Variants in GALNTL6 observed in about 807,000 individuals in gnomAD.
GALNTL6 encodes the protein polypeptide N-acetylgalactosaminyltransferase-like 6.
Under a neutral mutation model 73.7 loss-of-function variants are expected in GALNTL6, and 46 were observed. The ratio of observed to expected loss-of-function variants is 0.62; its 90% confidence interval spans 0.49 to 0.80. The LOEUF is 0.80. Ranked by LOEUF, GALNTL6 falls within the 30% of genes least tolerant of loss-of-function variation. The pLI is 0.00. For synonymous variants in GALNTL6, 259 were observed against 263.7 expected (o/e 0.98, Z 0.17); for missense variants, 604 against 755.0 (o/e 0.80, Z 2.34).
chr4:172,798,450 G>A (rs1740411548), intron 5 of GALNTL6, among the ~76,000 whole-genome samples: 1 of 152,120 alleles, frequency 6.6e-6, no homozygotes, highest in Non-Finnish European at 1.5e-5. Flanking sequence ...TCTCTCTCTT[G>A]CTTCTACTCT....
At chr4:172,152,047 G>C (rs1031774336) in intron 2 of GALNTL6, among the ~76,000 whole-genome samples, 2 of 151,826 alleles carry the variant, frequency 1.3e-5, no homozygotes, top group African/African-American at 4.8e-5. Context: ...TGAAATCTCA[G>C]CTTACTGCAA....
At chr4:172,591,824 T>C (rs1488277453) in intron 5 of GALNTL6, among the ~76,000 whole-genome samples, 1 of 152,118 alleles carries the variant, frequency 6.6e-6, no homozygotes, top group African/African-American at 2.4e-5. Context: ...GTCGTCAAAA[T>C]TGAGAAGTAG....
chr4:172,102,652 AAG>A (rs1384687034), intron 2 of GALNTL6, among the ~76,000 whole-genome samples: 1 of 152,242 alleles, frequency 6.6e-6, no homozygotes, highest in Non-Finnish European at 1.5e-5. Context: ...CTAAAGCAAC[AAG>A]AGGCCAACAT....
chr4:172,485,037 A>G (rs968754133), intron 5 of GALNTL6, among the ~76,000 whole-genome samples: 1 of 152,176 alleles, frequency 6.6e-6, no homozygotes, highest in African/African-American at 2.4e-5. Flanking sequence ...TTTCATTAGT[A>G]TTTTTATTTA....
chr4:172,486,473 T>A (rs180819910), intron 5 of GALNTL6, among the ~76,000 whole-genome samples: 15 of 152,342 alleles, frequency 9.8e-5, no homozygotes. Context: ...TATTTTCAAG[T>A]TCTTTAAAAC....
chr4:172,392,069 A>G (rs575784273), intron 5 of GALNTL6, among the ~76,000 whole-genome samples: 1 of 152,152 alleles, frequency 6.6e-6, no homozygotes, highest in South Asian at 2.1e-4. Flanking sequence ...GCTCACTGCA[A>G]CCTCTGCCTC....
intron 5 of GALNTL6, among the ~76,000 whole-genome samples, chr4:172,513,039 C>G (rs552549456): frequency 1.5e-3 from 221 of 152,216 alleles, no homozygotes; most frequent in African/African-American, 5.2e-3. Context: ...ATTAGTCCCT[C>G]AAATTTGGTT....
At chr4:172,937,304 A>T (rs900676716) in intron 9 of GALNTL6, among the ~76,000 whole-genome samples, 6 of 152,232 alleles carry the variant, frequency 3.9e-5, no homozygotes, top group Admixed American at 3.3e-4. Context: ...AAAAAATCAT[A>T]AAATATTTTT....
chr4:172,767,320 G>C (rs539355635), intron 5 of GALNTL6, among the ~76,000 whole-genome samples: 68 of 152,274 alleles, frequency 4.5e-4, no homozygotes, highest in East Asian at 3.5e-3. Flanking sequence ...TCACAGAACA[G>C]CTCCCATGGA....
intron 2 of GALNTL6, among the ~76,000 whole-genome samples, chr4:171,899,798 T>C (rs1408098279): frequency 2.0e-5 from 3 of 152,160 alleles, no homozygotes; most frequent in Non-Finnish European, 4.4e-5. Context: ...TAAAAACCAT[T>C]TCACTTATTG....
chr4:171,998,019 C>T (rs1368190380), intron 2 of GALNTL6, among the ~76,000 whole-genome samples: 1 of 152,056 alleles, frequency 6.6e-6, no homozygotes, highest in African/African-American at 2.4e-5. Context: ...AGAGGCTGGC[C>T]ACATCTTACT....
At chr4:172,060,928 G>A (rs902466493) in intron 2 of GALNTL6, among the ~76,000 whole-genome samples, 3 of 151,992 alleles carry the variant, frequency 2.0e-5, no homozygotes, top group African/African-American at 7.2e-5. Flanking sequence ...TATTACATGG[G>A]CTCTAAGGAA....
At chr4:172,177,728 T>TATATATGTACAC (rs1560955302) in intron 2 of GALNTL6, among the ~76,000 whole-genome samples, 8 of 108,134 alleles carry the variant, frequency 7.4e-5, no homozygotes, top group African/African-American at 2.5e-4. Flanking sequence ...TATGTGTGTA[T>TATATATGTACAC]ATATATATAC....
chr4:172,182,228 A>T (rs1291209519), intron 2 of GALNTL6, among the ~76,000 whole-genome samples: 1 of 152,162 alleles, frequency 6.6e-6, no homozygotes, highest in Non-Finnish European at 1.5e-5. Flanking sequence ...CTTCATGGAG[A>T]ACTACAAACC....
In GALNTL6 at chr4:172,176,319, G is replaced by A. The variant is rs183950441; in HGVS notation, c.139-53337G>A. ...CGCGCCACTGCACTCCAACCTGGGC[G>A]ACAGCGAGACTCCGTCTCAAAAAAA... On this transcript the variant is annotated intron_variant, in intron 2 of 12. Transcript: ENST00000506823. Among the ~76,000 whole-genome samples, 119 of 36,484 alleles carry A rather than the reference G, an allele frequency of 3.3e-3. 1 individual carries two copies. The highest frequency in any genetic ancestry group is 0.013 in the African/African-American group (107 of 8,382). The allele number at this position is 36,484 out of a possible 152,430, so 23.9% of individuals were successfully genotyped here.
In GALNTL6 at chr4:172,510,095, T is replaced by A. The variant is rs141561988; in HGVS notation, c.553+161406T>A. 9.0e-3 allele frequency among the ~76,000 whole-genome samples: 497 copies of A among 55,190 alleles called. 192 individuals carry two copies. The highest frequency in any genetic ancestry group is 0.022 in the African/African-American group (483 of 22,030). 36.2% of individuals were successfully genotyped at this position (55,190 alleles called of 152,430 possible). On this transcript the variant is annotated intron_variant, in intron 5 of 12. Coordinates refer to ENST00000506823, the MANE Select transcript of GALNTL6 (RefSeq NM_001034845.3). ...TGAGCATGGGATGTGTTTCCATTTGTTTGTGTTGTCTATGATTTCTTTCAG... is the reference window on the plus strand; with the variant it reads ...TGAGCATGGGATGTGTTTCCATTTGATTGTGTTGTCTATGATTTCTTTCAG...
chr4:173,014,978 G>A (rs1752717406), intron 11 of GALNTL6, among the ~76,000 whole-genome samples: 2 of 152,178 alleles, frequency 1.3e-5, no homozygotes, highest in Non-Finnish European at 2.9e-5. Context: ...AATCATGAGG[G>A]CAGTTACCTT....
intron 5 of GALNTL6, among the ~76,000 whole-genome samples, chr4:172,377,786 G>A (rs970867773): frequency 3.3e-5 from 5 of 152,172 alleles, no homozygotes; most frequent in African/African-American, 4.8e-5. Context: ...CAGGTGCTAA[G>A]CCCCTCACTG....
intron 8 of GALNTL6, among the ~76,000 whole-genome samples, chr4:172,919,062 C>A (rs1228329275): frequency 6.6e-6 from 1 of 152,162 alleles, no homozygotes; most frequent in African/African-American, 2.4e-5. Context: ...ATTTGAGTAG[C>A]ATTTGACTGA....
Sources: allele counts gnomAD v4.1 joint callset (sites outside exome capture counted in the v4.1 genomes callset), GRCh38; gene constraint gnomAD v4.1.1; transcripts MANE v1.5; gene names NCBI Gene and HGNC (gene_info 2026-07-23, HGNC 2026-07-21).